The following CSGALNACT1 variants were observed in gnomAD, a reference collection of about 807,000 sequenced individuals.
CSGALNACT1 encodes beta4GalNAcT-1.
CSGALNACT1 carries 52 observed loss-of-function variants against 51.0 expected under a neutral mutation model. That is an observed-to-expected ratio of 1.02 (90% CI 0.82 to 1.29). The LOEUF (loss-of-function observed/expected upper bound fraction) is 1.29. Among genes scored for constraint, CSGALNACT1 ranks in the 50% most tolerant of loss-of-function variants. CSGALNACT1 has a pLI of 0.00. For synonymous variants in CSGALNACT1, 341 were observed against 254.4 expected (o/e 1.34, Z -3.24); for missense variants, 935 against 679.2 (o/e 1.38, Z -4.19).
chr8:19,434,746 G>A (rs1399213448), intron 6 of CSGALNACT1, among the ~76,000 whole-genome samples: 1 of 151,984 alleles, frequency 6.6e-6, no homozygotes, highest in African/African-American at 2.4e-5. Context: ...CTGTTTCCCA[G>A]GGTCCGAGAC....
intron 3 of CSGALNACT1, among the ~76,000 whole-genome samples, chr8:19,540,973 A>C (rs1178127704): frequency 1.3e-5 from 2 of 152,166 alleles, no homozygotes; most frequent in African/African-American, 4.8e-5. Flanking sequence ...CCCTGTCCCC[A>C]GACTGTAGGT....
chr8:19,428,677 G>A (rs1002374266), intron 6 of CSGALNACT1, among the ~76,000 whole-genome samples: 5 of 152,080 alleles, frequency 3.3e-5, no homozygotes, highest in African/African-American at 9.7e-5. Context: ...CATTAAGTAC[G>A]ATGCTTCTTT....
intron 3 of CSGALNACT1, among the ~76,000 whole-genome samples, chr8:19,521,556 G>A (rs921447358): frequency 1.1e-4 from 16 of 152,078 alleles, no homozygotes; most frequent in African/African-American, 3.4e-4. Context: ...GGTGGTGTGC[G>A]CTTGTAATCC....
At chr8:19,525,231 G>A (rs2081429751) in intron 3 of CSGALNACT1, among the ~76,000 whole-genome samples, 4 of 152,078 alleles carry the variant, frequency 2.6e-5, no homozygotes, top group Admixed American at 1.3e-4. Context: ...ACGTGAAAAT[G>A]GCTTGCAGAG....
chr8:19,415,740 C>T (rs1296493728), intron 8 of CSGALNACT1, among the ~76,000 whole-genome samples: 1 of 152,200 alleles, frequency 6.6e-6, no homozygotes, highest in African/African-American at 2.4e-5. Flanking sequence ...CAAAACAACA[C>T]ATTACTTAAA....
At chr8:19,660,496 T>A (rs1221017305) in intron 1 of CSGALNACT1, among the ~76,000 whole-genome samples, 1 of 152,160 alleles carries the variant, frequency 6.6e-6, no homozygotes, top group Non-Finnish European at 1.5e-5. Context: ...GATTATCATC[T>A]TCAAAAATTG....
At chr8:19,431,648 G>C (rs1019464914) in intron 6 of CSGALNACT1, among the ~76,000 whole-genome samples, 1 of 151,938 alleles carries the variant, frequency 6.6e-6, no homozygotes, top group Non-Finnish European at 1.5e-5. Flanking sequence ...TCTTTGTCTG[G>C]TTAGGTTATC....
intron 1 of CSGALNACT1, among the ~76,000 whole-genome samples, chr8:19,639,687 C>T (rs1450335241): frequency 6.6e-6 from 1 of 152,066 alleles, no homozygotes; most frequent in Non-Finnish European, 1.5e-5. Context: ...TCTCTTCTTC[C>T]ACCTCAAGGG....
intron 1 of CSGALNACT1, among the ~76,000 whole-genome samples, chr8:19,663,335 C>T (rs1326786779): frequency 6.6e-6 from 1 of 152,144 alleles, no homozygotes; most frequent in Admixed American, 6.5e-5. Flanking sequence ...TACGAAAACC[C>T]TGTTTTCTTT....
intron 4 of CSGALNACT1, among the ~76,000 whole-genome samples, chr8:19,478,722 G>A (rs1028090642): frequency 2.0e-5 from 3 of 152,144 alleles, no homozygotes; most frequent in Non-Finnish European, 4.4e-5. Flanking sequence ...TTTCTCCACT[G>A]CTGAATTGCT....
chr8:19,633,303 C>T (rs928163524), intron 1 of CSGALNACT1, among the ~76,000 whole-genome samples: 4 of 151,998 alleles, frequency 2.6e-5, no homozygotes, highest in Non-Finnish European at 5.9e-5. Context: ...CTTTCCTTCC[C>T]TTTCTTACCC....
chr8:19,597,169 A>G lies in CSGALNACT1; in HGVS notation c.-416+4602T>C, dbSNP rs142611052. On this transcript the variant is annotated intron_variant, in intron 2 of 9. Transcript: ENST00000454498. ...GCATCCATATTTTAGTAGGTGTCAG[A>G]ATTTCTCTCCTTTTTAAGGCTGAAA... Among the ~76,000 whole-genome samples the G allele has an allele frequency of 9.1e-3, 1,389 of 152,208 alleles. 24 individuals carry two copies. Among genetic ancestry groups the G allele is most frequent in the African/African-American group, 0.031 (1,295 of 41,528 alleles).
chr8:19,464,002 A>G (rs1365876458), intron 4 of CSGALNACT1, among the ~76,000 whole-genome samples: 5 of 152,326 alleles, frequency 3.3e-5, no homozygotes. Flanking sequence ...AAGGGATAAG[A>G]AAGGCACCAC....
intron 5 of CSGALNACT1, among the ~76,000 whole-genome samples, chr8:19,445,914 C>A (rs756355634): frequency 2.6e-5 from 4 of 152,156 alleles, no homozygotes; most frequent in Admixed American, 6.5e-5. Flanking sequence ...GTGGCTCATG[C>A]CTATAATCTC....
At chr8:19,740,503 G>A (rs1372080567) in intron 1 of CSGALNACT1, among the ~76,000 whole-genome samples, 1 of 152,190 alleles carries the variant, frequency 6.6e-6, no homozygotes, top group Non-Finnish European at 1.5e-5. Flanking sequence ...GTGTTTTACT[G>A]TATCTTCAGA....
At chr8:19,584,405 G>T (rs1659200915) in intron 3 of CSGALNACT1, among the ~76,000 whole-genome samples, 1 of 151,480 alleles carries the variant, frequency 6.6e-6, no homozygotes. Flanking sequence ...ATTTTTTTTT[G>T]ACACAGTAAG....
At chr8:19,737,030 T>C (rs1247942608) in intron 1 of CSGALNACT1, among the ~76,000 whole-genome samples, 2 of 152,230 alleles carry the variant, frequency 1.3e-5, no homozygotes, top group East Asian at 3.9e-4. Context: ...AAAAAAGGCA[T>C]GTTTCTATAA....
At chr8:19,428,546 A>G (rs1563342826) in intron 6 of CSGALNACT1, among the ~76,000 whole-genome samples, 2 of 152,194 alleles carry the variant, frequency 1.3e-5, no homozygotes, top group Non-Finnish European at 2.9e-5. Flanking sequence ...TACGGGAGCT[A>G]CAGTTCAAGA....
chr8:19,535,146 T>G (rs1371347142), intron 3 of CSGALNACT1, among the ~76,000 whole-genome samples: 3 of 152,178 alleles, frequency 2.0e-5, no homozygotes, highest in Non-Finnish European at 4.4e-5. Flanking sequence ...TTAAACCTAT[T>G]TCCAAATTAT....
Sources: allele counts gnomAD v4.1 joint callset (sites outside exome capture counted in the v4.1 genomes callset), GRCh38; gene constraint gnomAD v4.1.1; transcripts MANE v1.5; gene names NCBI Gene and HGNC (gene_info 2026-07-23, HGNC 2026-07-21).